The following ERAP1 variants were observed in gnomAD, a reference collection of about 807,000 sequenced individuals.
ERAP1 encodes the protein adipocyte-derived leucine aminopeptidase.
In ERAP1, 86 loss-of-function variants were observed where a neutral mutation model predicts 103.7. The observed-to-expected ratio is 0.83, with a 90% CI of 0.70 to 0.99. The LOEUF (loss-of-function observed/expected upper bound fraction) is 0.99, where lower values mean the gene tolerates loss of function less well. Ranked by LOEUF, ERAP1 falls within the 50% of genes least tolerant of loss-of-function variation. ERAP1 has a pLI of 0.00. For missense variants in ERAP1, 1,009 were observed against 1,128.4 expected (o/e 0.89, Z 1.52); for synonymous variants, 398 against 402.4 (o/e 0.99, Z 0.13).
the ERAP1 span, among the ~76,000 whole-genome samples, chr5:96,832,064 C>A: frequency 6.6e-6 from 1 of 152,294 alleles, no homozygotes; most frequent in East Asian, 1.9e-4. Context: ...GAAATCCTGG[C>A]TTCACAGAAT....
At chr5:96,801,085 T>C (rs560427151) in intron 2 of ERAP1, 85 bp from the exon 3 acceptor site, 364 of 1,436,426 alleles carry the variant, frequency 2.5e-4, no homozygotes, top group South Asian at 1.5e-3. Flanking sequence ...TTCCTAAAGT[T>C]ACTATAAGAT....
At chr5:96,833,930 G>T in the ERAP1 span, among the ~76,000 whole-genome samples, 1 of 151,986 alleles carries the variant, frequency 6.6e-6, no homozygotes, top group Non-Finnish European at 1.5e-5. Flanking sequence ...TAAAAAAATT[G>T]AATACTCCCA....
chr5:96,894,699 G>A, the ERAP1 span, among the ~76,000 whole-genome samples: 81,978 of 151,824 alleles, frequency 0.54, 22,209 homozygotes, highest in Admixed American at 0.59. Context: ...GTGGCCCACT[G>A]AAGTAAGTCA....
intron 18 of ERAP1, 59 bp from the exon 19 acceptor site, chr5:96,776,610 TTTAG>T: frequency 6.3e-7 from 1 of 1,588,964 alleles, no homozygotes; most frequent in South Asian, 1.1e-5. Context: ...CAGATGTAAC[TTTAG>T]TTAAAACTGA....
At chr5:96,833,049 G>A in the ERAP1 span, among the ~76,000 whole-genome samples, 1 of 152,168 alleles carries the variant, frequency 6.6e-6, no homozygotes, top group Non-Finnish European at 1.5e-5. Context: ...CCTGGAAGAG[G>A]TCTCAGCCAT....
chr5:96,811,917 C>T (rs113800413), upstream of ERAP1, among the ~76,000 whole-genome samples: 3,078 of 152,318 alleles, frequency 0.02, 51 homozygotes, highest in Non-Finnish European at 0.035. Context: ...ATCCACCTGT[C>T]TCCAACCTTC....
At chr5:96,893,383 T>C in the ERAP1 span, among the ~76,000 whole-genome samples, 1 of 152,202 alleles carries the variant, frequency 6.6e-6, no homozygotes, top group Admixed American at 6.5e-5. Flanking sequence ...CTGTTGTTCT[T>C]TAAAGCAGTG....
intron 3 of ERAP1, among the ~76,000 whole-genome samples, chr5:96,799,970 A>T (rs929955464): frequency 6.6e-6 from 1 of 152,074 alleles, no homozygotes; most frequent in African/African-American, 2.4e-5. Flanking sequence ...ACCACACTAG[A>T]GGTTGGTCTG....
At chr5:96,866,368 C>T in the ERAP1 span, among the ~76,000 whole-genome samples, 3 of 152,110 alleles carry the variant, frequency 2.0e-5, no homozygotes, top group African/African-American at 4.8e-5. Context: ...CTAATCTCTA[C>T]GTTCTTCAAT....
the ERAP1 span, among the ~76,000 whole-genome samples, chr5:96,871,412 A>G: frequency 1.3e-5 from 2 of 152,238 alleles, no homozygotes; most frequent in Non-Finnish European, 2.9e-5. Flanking sequence ...GCCAGAAGCA[A>G]AAGTTTTTTT....
At chr5:96,818,900 T>TATG in the ERAP1 span, among the ~76,000 whole-genome samples, 7 of 86,036 alleles carry the variant, frequency 8.1e-5, no homozygotes, top group East Asian at 9.5e-4. Context: ...CTGCATTTAT[T>TATG]TATTTATTTA....
the ERAP1 span, among the ~76,000 whole-genome samples, chr5:96,911,359 C>T: frequency 1.3e-5 from 2 of 152,020 alleles, no homozygotes; most frequent in East Asian, 1.9e-4. Context: ...CTTATTGATC[C>T]GTTGACATTT....
intron 12 of ERAP1, 31 bp downstream of exon 12, chr5:96,786,439 G>C: frequency 7.1e-7 from 1 of 1,407,874 alleles, no homozygotes; most frequent in South Asian, 1.2e-5. Context: ...ATTCCTCCTT[G>C]AATTAACTAG....
At chr5:96,896,774 G>A in the ERAP1 span, 1 of 1,471,784 alleles carries the variant, frequency 6.8e-7, no homozygotes. Context: ...TCTGGGTGAG[G>A]AGAAATTCCA....
the ERAP1 span, chr5:96,901,707 A>G: frequency 6.2e-7 from 1 of 1,605,238 alleles, no homozygotes; most frequent in South Asian, 1.1e-5. Context: ...CTTTAGGTCT[A>G]GCTTACCTCA....
At chr5:96,891,832 G>C in the ERAP1 span, among the ~76,000 whole-genome samples, 4 of 151,970 alleles carry the variant, frequency 2.6e-5, no homozygotes. Context: ...GCTCCTAAGA[G>C]GTGTTCTCCT....
At chr5:96,923,838 C>T in the ERAP1 span, among the ~76,000 whole-genome samples, 2 of 152,196 alleles carry the variant, frequency 1.3e-5, no homozygotes, top group Admixed American at 1.3e-4. Context: ...ACTAGTCATG[C>T]TTTAGTGTGA....
chr5:96,914,451 G>A, the ERAP1 span, among the ~76,000 whole-genome samples: 1 of 152,134 alleles, frequency 6.6e-6, no homozygotes, highest in Non-Finnish European at 1.5e-5. Flanking sequence ...AATAGAAACT[G>A]CTTTAATATG....
At position 96,775,874 on chromosome 5, in the gene ERAP1, C is replaced by T; in HGVS notation, c.*522G>A. ...GACCAACATCCAAAGGGCAAGAAAG[C>T]TTGATGACTTGGCCTTTACAAGTCA... On this transcript the variant is annotated 3_prime_UTR_variant, in exon 19 of 19. Coordinates refer to ENST00000443439, the MANE Select transcript of ERAP1 (RefSeq NM_001040458.3). 1 of 813,772 alleles carries T rather than the reference C, an allele frequency of 1.2e-6. No homozygotes were observed. The highest frequency in any genetic ancestry group is 1.5e-6 in the Non-Finnish European group (1 of 670,194). The allele number at this position is 813,772 out of a possible 1,614,324, so 50.4% of individuals were successfully genotyped here.
Sources: gnomAD v4.1 joint callset for allele counts (sites outside exome capture counted in the v4.1 genomes callset) on GRCh38, gnomAD v4.1.1 for gene constraint, MANE v1.5 for transcripts, NCBI Gene and HGNC (gene_info 2026-07-23, HGNC 2026-07-21) for gene names.